Variants in PC observed in about 807,000 individuals in gnomAD.
PC encodes the protein pyruvate carboxylase, mitochondrial.
PC carries 46 observed loss-of-function variants against 107.8 expected under a neutral mutation model. That is an observed-to-expected ratio of 0.43 (90% CI 0.34 to 0.55). The LOEUF is 0.55. Ranked by LOEUF, PC falls within the 20% of genes least tolerant of loss-of-function variation. PC has a pLI of 0.04. For synonymous variants in PC, 662 were observed against 684.7 expected (o/e 0.97, Z 0.52); for missense variants, 1,241 against 1,643.1 (o/e 0.76, Z 4.23).
intron 10 of PC, among the ~76,000 whole-genome samples, chr11:66,868,123 G>A (rs528010751): frequency 9.8e-5 from 15 of 152,354 alleles, no homozygotes; most frequent in Non-Finnish European, 1.6e-4. Context: ...CTGTTCCGAG[G>A]GATGCTACTT....
In PC at chr11:66,866,770, G is replaced by A. The variant is rs1045175349; in HGVS notation, c.1023-421C>T. Among the ~76,000 whole-genome samples, 7 of 152,208 alleles carry A rather than the reference G, an allele frequency of 4.6e-5. No homozygotes were observed. Among genetic ancestry groups the A allele is most frequent in the African/African-American group, 1.7e-4 (7 of 41,436 alleles). The stretch of plus-strand genomic sequence containing the variant: ...AGCAGATCTCTAGGTCAGAGGGCCA[G>A]GATAGCACATTCTTGGGGCCATATG... On this transcript the variant is annotated intron_variant, in intron 10 of 22. Coordinates refer to ENST00000393960, the MANE Select transcript of PC (RefSeq NM_001040716.2). This position sits in a 1 kb window ranked among gnomAD's most constrained non-coding sequence, Gnocchi z 5.4.
intron 1 of PC, among the ~76,000 whole-genome samples, chr11:66,955,662 T>C (rs77708031): frequency 0.011 from 1,689 of 152,132 alleles, 13 homozygotes; most frequent in Non-Finnish European, 0.018. Context: ...AAGGAGCCAT[T>C]AGTAAACAAA....
rs547914226 is a variant in PC at position 66,883,967 on chromosome 11, C to A, written c.1-11808G>T. On this transcript the variant is annotated intron_variant, in intron 3 of 22. Coordinates refer to ENST00000393960, the MANE Select transcript of PC (RefSeq NM_001040716.2). The stretch of plus-strand genomic sequence containing the variant: ...CTTTTTAAAATTAGCTGGGTGTGGC[C>A]TGGCACGTGGCTCACACTTGTAATC... Among the ~76,000 whole-genome samples, 45 of 152,216 alleles carry A rather than the reference C, an allele frequency of 3.0e-4. No homozygotes were observed. The East Asian group carries it at 8.1e-3, about 27-fold the overall frequency.
At chr11:66,932,054 G>T (rs1948870974) in intron 3 of PC, among the ~76,000 whole-genome samples, 1 of 151,268 alleles carries the variant, frequency 6.6e-6, no homozygotes, top group Non-Finnish European at 1.5e-5. Context: ...AAAGAAAAAA[G>T]GAAATATGTT....
At chr11:66,945,418 T>TA (rs1555049841) in intron 3 of PC, among the ~76,000 whole-genome samples, 1 of 69,528 alleles carries the variant, frequency 1.4e-5, no homozygotes, top group African/African-American at 5.6e-5. Context: ...TCAAATGGTT[T>TA]GGGGGGGCGG....
intron 1 of PC, among the ~76,000 whole-genome samples, chr11:66,954,938 G>A (rs562500997): frequency 4.7e-4 from 71 of 150,442 alleles, no homozygotes; most frequent in African/African-American, 1.5e-3. Flanking sequence ...ACAAGACTCC[G>A]TCTCCAAAAA....
chr11:66,894,526 C>T (rs891275191), intron 3 of PC, among the ~76,000 whole-genome samples: 4 of 152,338 alleles, frequency 2.6e-5, no homozygotes, highest in South Asian at 2.1e-4. Flanking sequence ...GAGGAGACAA[C>T]AGCAACATGA....
At chr11:66,849,476 T>TA in intron 21 of PC, 106 bp from the exon 22 acceptor site, 8 of 1,602,464 alleles carry the variant, frequency 5.0e-6, no homozygotes, top group African/African-American at 1.3e-5. Flanking sequence ...TCCTCGTTCC[T>TA]AAAGGCCTAG....
At chr11:66,883,007 C>T (rs1342867501) in intron 3 of PC, among the ~76,000 whole-genome samples, 4 of 152,186 alleles carry the variant, frequency 2.6e-5, no homozygotes, top group Non-Finnish European at 5.9e-5. Flanking sequence ...AAGACGGAAA[C>T]AGACACAGCA....
At chr11:66,869,519 G>GA (rs1330042320) in intron 9 of PC, among the ~76,000 whole-genome samples, 1 of 152,076 alleles carries the variant, frequency 6.6e-6, no homozygotes, top group African/African-American at 2.4e-5. Context: ...AAACCAGACT[G>GA]AATCACCTCC....
intron 3 of PC, among the ~76,000 whole-genome samples, chr11:66,916,052 G>C (rs976301609): frequency 1.3e-5 from 2 of 152,098 alleles, no homozygotes; most frequent in Non-Finnish European, 2.9e-5. Context: ...TTCAGCCACT[G>C]CTTCTGCTGG....
Position 66,866,085 on chromosome 11 carries a change from C to T in PC, c.1185+102G>A. On this transcript the variant is annotated intron_variant, in intron 11 of 22. Transcript: ENST00000393960. The surrounding 1 kb of genome is among the most constrained non-coding windows in gnomAD (Gnocchi z 5.4). The stretch of plus-strand genomic sequence containing the variant: ...CTTCAGAGCCCACATGCGGGTCCTC[C>T]CTAACTGCCGGGCTGTGGCAACTTG... The T allele has an allele frequency of 3.7e-6, 5 of 1,350,780 alleles. No homozygotes were observed. In the South Asian group the frequency reaches 3.8e-5, roughly 10 times the overall value. 83.7% of individuals were successfully genotyped at this position (1,350,780 alleles called of 1,614,324 possible).
chr11:66,910,587 C>CG (rs1310744634), intron 3 of PC, among the ~76,000 whole-genome samples: 3 of 152,194 alleles, frequency 2.0e-5, no homozygotes, highest in African/African-American at 4.8e-5. Context: ...ACTCACCATA[C>CG]GGCCGGTGGA....
At position 66,852,871 on chromosome 11, in the gene PC, T is replaced by C. The variant is rs370980454; in HGVS notation, c.1514-35A>G. 4 of 1,420,346 alleles carry C rather than the reference T, an allele frequency of 2.8e-6. No homozygotes were observed. Among genetic ancestry groups the C allele is most frequent in the Non-Finnish European group, 3.9e-6 (4 of 1,028,976 alleles). 88.0% of individuals were successfully genotyped at this position (1,420,346 alleles called of 1,614,324 possible). On this transcript the variant is annotated intron_variant, in intron 13 of 22. Coordinates refer to ENST00000393960, the MANE Select transcript of PC (RefSeq NM_001040716.2). The surrounding 1 kb of genome is among the most constrained non-coding windows in gnomAD (Gnocchi z 4.7). ...AAGCGGGCAGTGGGTCAGGGTGGGC[T>C]GGGCAGAGGCTGAGTCGAGGGCAGC...
At chr11:66,945,420 G>GT (rs1230453487) in intron 3 of PC, among the ~76,000 whole-genome samples, 1 of 97,266 alleles carries the variant, frequency 1.0e-5, no homozygotes, top group Non-Finnish European at 2.1e-5. Flanking sequence ...AAATGGTTTG[G>GT]GGGGGCGGGT....
Position 66,849,674 on chromosome 11 carries a change from GC to G in PC, c.3083del (p.Gly1028AlafsTer6). On this transcript the variant is annotated frameshift_variant, in exon 21 of 23. Coordinates refer to ENST00000393960, the MANE Select transcript of PC (RefSeq NM_001040716.2). LOFTEE classifies it high-confidence loss of function. ...AHFKDFTATFGPLDSLNTRLF... is the reference protein window; with the variant it reads ...AHFKDFTATFXPLDSLNTRLF... ...GGCGAGTATTCAGGCTATCCAGGGG[GC>G]CAAAGGTGGCAGTGAAGTCCTTGAA... The G allele has an allele frequency of 6.2e-7, 1 of 1,614,202 alleles. No homozygotes were observed. Among genetic ancestry groups the G allele is most frequent in the Non-Finnish European group, 8.5e-7 (1 of 1,180,032 alleles).
intron 3 of PC, among the ~76,000 whole-genome samples, chr11:66,882,658 C>T (rs746303400): frequency 1.3e-5 from 2 of 152,260 alleles, no homozygotes; most frequent in African/African-American, 2.4e-5. Flanking sequence ...GCCCCTAGCC[C>T]CAGCTGGGCT....
chr11:66,910,862 C>T (rs1293111727), intron 3 of PC, among the ~76,000 whole-genome samples: 1 of 152,214 alleles, frequency 6.6e-6, no homozygotes, highest in African/African-American at 2.4e-5. Flanking sequence ...ACACAAGTCA[C>T]ATAAACCCAC....
intron 3 of PC, among the ~76,000 whole-genome samples, chr11:66,897,964 A>G (rs1437768707): frequency 1.3e-5 from 2 of 152,212 alleles, no homozygotes; most frequent in Non-Finnish European, 2.9e-5. Context: ...AAGAAAATTG[A>G]GGCTGGGAAG....
Sources: gnomAD v4.1 joint callset for allele counts (sites outside exome capture counted in the v4.1 genomes callset) on GRCh38, gnomAD v4.1.1 for gene constraint, Gnocchi (gnomAD v3.1) non-coding constraint, MANE v1.5 for transcripts, NCBI Gene and HGNC (gene_info 2026-07-23, HGNC 2026-07-21) for gene names.